The following TMEM132C variants were observed in gnomAD, a reference collection of about 807,000 sequenced individuals.
TMEM132C encodes the protein protein phosphatase 1, regulatory subunit 152.
A neutral mutation model predicts 61.4 loss-of-function variants in TMEM132C; 29 were observed. That is an observed-to-expected ratio of 0.47 (90% CI 0.35 to 0.64). The LOEUF (loss-of-function observed/expected upper bound fraction) is 0.64, where lower values mean the gene tolerates loss of function less well. Ranked by LOEUF, TMEM132C falls within the 30% of genes least tolerant of loss-of-function variation. The pLI is 0.00. For missense variants in TMEM132C, 1,408 were observed against 1,476.9 expected, an observed-to-expected ratio of 0.95 and a Z score of 0.76; for synonymous variants, 656 against 633.1, an observed-to-expected ratio of 1.04 and a Z score of -0.54.
In TMEM132C at chr12:128,603,282, C is replaced by T. The variant is rs74963532; in HGVS notation, c.1122-12870C>T. On this transcript the variant is annotated intron_variant, in intron 3 of 8. Transcript: ENST00000435159. ...CAGGCGGGTGAGGAGACAGATGCTC[C>T]TCTTGATGGACAGCACAACAGAGTC... Among the ~76,000 whole-genome samples the T allele has an allele frequency of 9.7e-4, 147 of 152,314 alleles. 3 individuals carry two copies. In the East Asian group the frequency reaches 0.026, roughly 27 times the overall value.
At chr12:128,577,184 G>A (rs1013023217) in intron 3 of TMEM132C, among the ~76,000 whole-genome samples, 2 of 152,168 alleles carry the variant, frequency 1.3e-5, no homozygotes, top group East Asian at 3.9e-4. Flanking sequence ...AAAATATGTG[G>A]TCTTTTGTGA....
intron 1 of TMEM132C, among the ~76,000 whole-genome samples, chr12:128,360,752 G>A (rs188058804): frequency 5.9e-5 from 9 of 152,250 alleles, no homozygotes; most frequent in Non-Finnish European, 8.8e-5. Context: ...TTTCCATCAC[G>A]GAAGCTTTAG....
At chr12:128,608,159 G>A (rs76719369) in intron 3 of TMEM132C, among the ~76,000 whole-genome samples, 6,041 of 152,260 alleles carry the variant, frequency 0.04, 368 homozygotes, top group African/African-American at 0.13. Flanking sequence ...AGGAGAAATA[G>A]TTGTAGCAAT....
intron 3 of TMEM132C, among the ~76,000 whole-genome samples, chr12:128,574,584 C>A (rs1270919833): frequency 1.3e-5 from 2 of 152,202 alleles, no homozygotes; most frequent in East Asian, 3.8e-4. Context: ...TGGCCAAGTT[C>A]AATTGTCCTT....
Position 128,445,033 on chromosome 12 carries a change from C to CA in TMEM132C, c.974+29420dup, listed in dbSNP as rs963225705. Among the ~76,000 whole-genome samples, 28 of 151,628 alleles carry CA rather than the reference C, an allele frequency of 1.8e-4. 1 individual carries two copies. Among genetic ancestry groups the CA allele is most frequent in the African/African-American group, 6.0e-4 (25 of 41,332 alleles). Reference sequence around the variant, plus strand: ...AATTGAAGCCACTAAGAGCATTACTCAAAAAAATAAAAAACAATTAAGAGT... The same window carrying CA: ...AATTGAAGCCACTAAGAGCATTACTCAAAAAAAATAAAAAACAATTAAGAGT... On this transcript the variant is annotated intron_variant, in intron 2 of 8. Coordinates refer to ENST00000435159, the MANE Select transcript of TMEM132C (RefSeq NM_001136103.3).
chr12:128,406,603 T>C (rs563492684), intron 1 of TMEM132C, among the ~76,000 whole-genome samples: 1 of 152,310 alleles, frequency 6.6e-6, no homozygotes, highest in Non-Finnish European at 1.5e-5. Flanking sequence ...TTAATTAGGC[T>C]GAAGGAGTGG....
intron 1 of TMEM132C, among the ~76,000 whole-genome samples, chr12:128,294,703 C>T (rs1871348673): frequency 6.6e-6 from 1 of 152,102 alleles, no homozygotes; most frequent in African/African-American, 2.4e-5. Flanking sequence ...CCTATGTCCT[C>T]TCACAGTGGA....
rs563937923 is a variant in TMEM132C, at chr12:128,436,679, C to T, written c.974+21059C>T. Among the ~76,000 whole-genome samples the T allele has an allele frequency of 3.9e-5, 6 of 152,270 alleles. No individual in the cohort carries two copies. The South Asian group carries it at 6.2e-4, about 16-fold the overall frequency. The stretch of plus-strand genomic sequence containing the variant: ...TGGAGAGGATGTGGAGAAATAGGAA[C>T]GCTTTTACACTGTTGGTGGGAGTGT... On this transcript the variant is annotated intron_variant, in intron 2 of 8. Transcript: ENST00000435159.
At chr12:128,534,711 C>T (rs547130870) in intron 2 of TMEM132C, among the ~76,000 whole-genome samples, 1 of 152,302 alleles carries the variant, frequency 6.6e-6, no homozygotes, top group Admixed American at 6.5e-5. Context: ...GGACACAAAC[C>T]CTGCAACAAC....
At chr12:128,597,540 T>G (rs932856281) in intron 3 of TMEM132C, among the ~76,000 whole-genome samples, 1 of 151,662 alleles carries the variant, frequency 6.6e-6, no homozygotes, top group Non-Finnish European at 1.5e-5. Context: ...ATGGATGGAT[T>G]AAGCTGGAAG....
rs181447120 is a variant in TMEM132C at position 128,322,564 on chromosome 12, C to T, written c.85+55077C>T. Among the ~76,000 whole-genome samples the T allele has an allele frequency of 2.7e-3, 407 of 152,340 alleles. 4 individuals carry two copies. The highest frequency in any genetic ancestry group is 9.6e-3 in the African/African-American group (400 of 41,588). On this transcript the variant is annotated intron_variant, in intron 1 of 8. Coordinates refer to ENST00000435159, the MANE Select transcript of TMEM132C (RefSeq NM_001136103.3). The stretch of plus-strand genomic sequence containing the variant: ...GACAGCAAAAAACAACATATGGCTA[C>T]GCCATGGGGGTCTGAGTCAATTTCA...
At chr12:128,577,089 C>T (rs962627063) in intron 3 of TMEM132C, among the ~76,000 whole-genome samples, 2 of 152,162 alleles carry the variant, frequency 1.3e-5, no homozygotes, top group Non-Finnish European at 2.9e-5. Flanking sequence ...ACCTTCTTCC[C>T]TCCCCACAGC....
intron 4 of TMEM132C, among the ~76,000 whole-genome samples, chr12:128,663,799 CACAT>C (rs888212590): frequency 2.0e-5 from 3 of 152,118 alleles, no homozygotes; most frequent in Non-Finnish European, 4.4e-5. Flanking sequence ...CAGGCACTCA[CACAT>C]ACAGGCACAT....
chr12:128,554,091 G>A (rs1428866605), intron 3 of TMEM132C, among the ~76,000 whole-genome samples: 1 of 152,222 alleles, frequency 6.6e-6, no homozygotes, highest in Non-Finnish European at 1.5e-5. Context: ...GTTGCCTTTT[G>A]GAAACCTTTC....
chr12:128,478,528 C>T (rs1418654185), intron 2 of TMEM132C, among the ~76,000 whole-genome samples: 2 of 152,154 alleles, frequency 1.3e-5, no homozygotes, highest in African/African-American at 4.8e-5. Context: ...TCTCTTTATC[C>T]CAATGAGTAG....
At chr12:128,322,640 A>T (rs1261431430) in intron 1 of TMEM132C, among the ~76,000 whole-genome samples, 1 of 152,178 alleles carries the variant, frequency 6.6e-6, no homozygotes, top group African/African-American at 2.4e-5. Flanking sequence ...GACTCTGGGG[A>T]GTTCAAAGGA....
At chr12:128,691,787 T>C (rs1954721776) in intron 5 of TMEM132C, among the ~76,000 whole-genome samples, 1 of 151,526 alleles carries the variant, frequency 6.6e-6, no homozygotes, top group African/African-American at 2.4e-5. Context: ...TTCATGTGTC[T>C]GTCCCTCAGT....
chr12:128,397,386 AG>A (rs1325668897), intron 1 of TMEM132C, among the ~76,000 whole-genome samples: 1 of 152,144 alleles, frequency 6.6e-6, no homozygotes, highest in East Asian at 1.9e-4. Flanking sequence ...GAGTTTGCAA[AG>A]GAAGGTGCAT....
chr12:128,274,719 G>A (rs11611515), intron 1 of TMEM132C, among the ~76,000 whole-genome samples: 1,645 of 152,290 alleles, frequency 0.011, 12 homozygotes, highest in South Asian at 0.027. Flanking sequence ...ATTCCAGGGT[G>A]AAAGAAGCCT....
Sources: gnomAD v4.1 joint callset for allele counts (sites outside exome capture counted in the v4.1 genomes callset) on GRCh38, gnomAD v4.1.1 for gene constraint, MANE v1.5 for transcripts, NCBI Gene and HGNC (gene_info 2026-07-23, HGNC 2026-07-21) for gene names.